ZNF268: variants seen among roughly 807,000 people sequenced by gnomAD.
ZNF268 encodes zinc finger protein 3.
ZNF268 carries 20 observed loss-of-function variants against 29.3 expected under a neutral mutation model. The ratio of observed to expected loss-of-function variants is 0.68; its 90% CI spans 0.48 to 0.99. The LOEUF (loss-of-function observed/expected upper bound fraction) is 0.99, where lower values mean the gene tolerates loss of function less well. ZNF268 is among the 50% of genes least tolerant of loss of function. ZNF268 has a pLI of 0.00. For synonymous variants in ZNF268, 429 were observed against 376.9 expected, an observed-to-expected ratio of 1.14 and a Z score of -1.60; for missense variants, 1,240 against 1,121.6, an observed-to-expected ratio of 1.11 and a Z score of -1.51.
intron 5 of ZNF268, among the ~76,000 whole-genome samples, chr12:133,200,824 G>T (rs1418953168): frequency 6.6e-6 from 1 of 151,908 alleles, no homozygotes; most frequent in East Asian, 1.9e-4. Flanking sequence ...TAAATAACCA[G>T]CTTATTCTGC....
Position 133,212,135 on chromosome 12 carries a change from T to A in ZNF268, c.*7605T>A, listed in dbSNP as rs968874141. The stretch of plus-strand genomic sequence containing the variant: ...AGTGTGAAAAGGCTGTATGATCCTA[T>A]TTCTATGATGTTATGGAAAAGCAGA... On this transcript the variant is annotated 3_prime_UTR_variant, in exon 6 of 6. Transcript: ENST00000536435. 1 of 152,172 alleles carries A rather than the reference T, an allele frequency of 6.6e-6. No homozygotes were observed. The highest frequency in any genetic ancestry group is 1.5e-5 in the Non-Finnish European group (1 of 68,038). The allele number at this position is 152,172 out of a possible 1,614,324, so 9.4% of individuals were successfully genotyped here.
intron 3 of ZNF268, among the ~76,000 whole-genome samples, chr12:133,189,158 T>G (rs1428582458): frequency 1.3e-5 from 2 of 152,218 alleles, no homozygotes; most frequent in East Asian, 3.9e-4. Flanking sequence ...TAGATTTATA[T>G]GTAAGTTCTT....
intron 5 of ZNF268, among the ~76,000 whole-genome samples, chr12:133,194,835 TGG>T: frequency 6.6e-6 from 1 of 152,306 alleles, no homozygotes; most frequent in East Asian, 1.9e-4. Context: ...TCACCTTCCT[TGG>T]CCAGGCAGCA....
At chr12:133,184,354 C>T (rs1956255247) in intron 2 of ZNF268, among the ~76,000 whole-genome samples, 1 of 152,128 alleles carries the variant, frequency 6.6e-6, no homozygotes, top group South Asian at 2.1e-4. Context: ...ATCCACCTGT[C>T]TCAGCCTCCC....
chr12:133,185,753 AGACT>A (rs1394618343), intron 2 of ZNF268, among the ~76,000 whole-genome samples: 1 of 152,134 alleles, frequency 6.6e-6, no homozygotes, highest in Admixed American at 6.6e-5. Context: ...GGGAAGCCAG[AGACT>A]GACTAGGTGA....
rs36191662 is a variant in ZNF268 at position 133,207,554 on chromosome 12, A to C, written c.*3024A>C. 71,958 of 152,106 alleles carry C rather than the reference A, an allele frequency of 0.47. 17,810 individuals are homozygous for C. Among genetic ancestry groups the C allele is most frequent in the East Asian group, 0.8 (4,128 of 5,172 alleles). 9.4% of individuals were successfully genotyped at this position (152,106 alleles called of 1,614,324 possible). On this transcript the variant is annotated 3_prime_UTR_variant, in exon 6 of 6. Coordinates refer to ENST00000536435, the MANE Select transcript of ZNF268 (RefSeq NM_003415.3). ...CCAGGCACGGTGGCTCACACCTATAATCCCAGCACTTCAGGAGGCTGAGAT... is the reference window on the plus strand; with the variant it reads ...CCAGGCACGGTGGCTCACACCTATACTCCCAGCACTTCAGGAGGCTGAGAT...
At chr12:133,187,428 T>G (rs1472901324) in intron 2 of ZNF268, among the ~76,000 whole-genome samples, 4 of 152,160 alleles carry the variant, frequency 2.6e-5, no homozygotes, top group African/African-American at 9.7e-5. Flanking sequence ...TTTTGAAATA[T>G]TATGTTACAA....
Position 133,202,564 on chromosome 12 carries a change from T to A in ZNF268, c.878T>A (p.Val293Glu), listed in dbSNP as rs371476540. 2 of 1,610,318 alleles carry A rather than the reference T, an allele frequency of 1.2e-6. No individual in the cohort carries two copies. Among genetic ancestry groups the A allele is most frequent in the East Asian group, 4.5e-5 (2 of 44,816 alleles). ...TTCAGCAGCAAGTCATACCTTCTAG[T>A]GCATCAGCAAACTCATGCCGAAGAG... is the stretch of plus-strand genomic sequence containing the variant. ...KAFSSKSYLLVHQQTHAEEKP... is the reference protein window; with the variant it reads ...KAFSSKSYLLEHQQTHAEEKP... Residue 293 changes from valine (V) to glutamate (E), a missense_variant, in exon 6 of 6, where the codon GTG (valine) becomes GAG (glutamate). This residue lies in a region of ZNF268 where 1,177 missense variants were observed against 1,039.6 expected (regional missense o/e 1.13). Coordinates refer to ENST00000536435, the MANE Select transcript of ZNF268 (RefSeq NM_003415.3).
At position 133,204,930 on chromosome 12, in the gene ZNF268, A is replaced by G. The variant is rs1956863143; in HGVS notation, c.*400A>G. 6.3e-6 allele frequency: 1 copy of G among 159,550 alleles called. No individual in the cohort carries two copies. Among genetic ancestry groups the G allele is most frequent in the South Asian group, 2.0e-4 (1 of 5,100 alleles). The allele number at this position is 159,550 out of a possible 1,614,324, so 9.9% of individuals were successfully genotyped here. A position where few individuals can be genotyped will look rare whatever the true frequency, so the allele number is the denominator to read the frequency against. On this transcript the variant is annotated 3_prime_UTR_variant, in exon 6 of 6. Coordinates refer to ENST00000536435, the MANE Select transcript of ZNF268 (RefSeq NM_003415.3). ...TCATAGTTTACAGAATTTTAATGAG[A>G]GAAATTATTGAGCTAATGAATGGCA...
chr12:133,189,152 T>G (rs189418852), intron 3 of ZNF268, among the ~76,000 whole-genome samples: 2 of 152,196 alleles, frequency 1.3e-5, no homozygotes, highest in Admixed American at 1.3e-4. Flanking sequence ...ATATTTTAGA[T>G]TTATATGTAA....
chr12:133,191,083 G>A lies in ZNF268; in HGVS notation c.235-406G>A, dbSNP rs187509266. Among the ~76,000 whole-genome samples the A allele has an allele frequency of 5.3e-5, 8 of 152,182 alleles. 1 individual carries two copies. Among genetic ancestry groups the A allele is most frequent in the Middle Eastern group, 3.4e-3 (1 of 294 alleles). ...TGTAATCCTAGCACTTTGGGAGGCC[G>A]AGATGGGCAGATCACAAAGTCAGGA... On this transcript the variant is annotated intron_variant, in intron 3 of 5. Transcript: ENST00000536435.
rs1030002152 is a variant in ZNF268 at position 133,211,692 on chromosome 12, G to A, written c.*7162G>A. On this transcript the variant is annotated 3_prime_UTR_variant, in exon 6 of 6. Coordinates refer to ENST00000536435, the MANE Select transcript of ZNF268 (RefSeq NM_003415.3). Reference sequence around the variant, plus strand: ...CAAATTAAAACAACGAGATAGCACCGCACATCTATTAAAGTGACTATAATC... The same window carrying A: ...CAAATTAAAACAACGAGATAGCACCACACATCTATTAAAGTGACTATAATC... 1 of 152,108 alleles carries A rather than the reference G, an allele frequency of 6.6e-6. No individual in the cohort carries two copies. Among genetic ancestry groups the A allele is most frequent in the Non-Finnish European group, 1.5e-5 (1 of 68,190 alleles). 9.4% of individuals were successfully genotyped at this position (152,108 alleles called of 1,614,324 possible). A position where few individuals can be genotyped will look rare whatever the true frequency, so the allele number is the denominator to read the frequency against.
intron 3 of ZNF268, 132 bp downstream of exon 3, chr12:133,188,204 C>CTTT: frequency 3.0e-6 from 2 of 668,336 alleles, no homozygotes; most frequent in African/African-American, 1.9e-5. Flanking sequence ...AACCCCCCCA[C>CTTT]TTTTTTTTTT....
At chr12:133,186,728 G>T (rs904229133) in intron 2 of ZNF268, among the ~76,000 whole-genome samples, 2 of 152,090 alleles carry the variant, frequency 1.3e-5, no homozygotes. Flanking sequence ...AAACGTGATG[G>T]AATACTATTC....
At chr12:133,189,481 C>T (rs1475003274) in intron 3 of ZNF268, among the ~76,000 whole-genome samples, 1 of 152,224 alleles carries the variant, frequency 6.6e-6, no homozygotes, top group East Asian at 1.9e-4. Context: ...TCCTAAAATG[C>T]TGGGAATACA....
At position 133,202,563 on chromosome 12, in the gene ZNF268, G is replaced by C; in HGVS notation, c.877G>C (p.Val293Leu). The C allele has an allele frequency of 6.2e-7, 1 of 1,610,466 alleles. No individual in the cohort carries two copies. The highest frequency in any genetic ancestry group is 8.5e-7 in the Non-Finnish European group (1 of 1,178,154). ...KAFSSKSYLLVHQQTHAEEKP... is the reference protein window; with the variant it reads ...KAFSSKSYLLLHQQTHAEEKP... ...CTTCAGCAGCAAGTCATACCTTCTA[G>C]TGCATCAGCAAACTCATGCCGAAGA... is the stretch of plus-strand genomic sequence containing the variant. The change falls in exon 6 of 6, where the codon GTG becomes CTG. Residue 293 changes from valine (V) to leucine (L), a missense_variant. Around this residue, in one of 3 missense-constraint regions of ZNF268, gnomAD observed 1,177 missense variants for 1,039.6 expected, o/e 1.13. Transcript: ENST00000536435.
intron 3 of ZNF268, among the ~76,000 whole-genome samples, chr12:133,190,267 G>A (rs1327858180): frequency 6.6e-6 from 1 of 152,186 alleles, no homozygotes; most frequent in Admixed American, 6.5e-5. Context: ...TGCTTGTCAT[G>A]TGTGTCTTCT....
At chr12:133,184,320 T>G (rs1218617893) in intron 2 of ZNF268, among the ~76,000 whole-genome samples, 1 of 152,092 alleles carries the variant, frequency 6.6e-6, no homozygotes, top group Admixed American at 6.6e-5. Flanking sequence ...TTGGCCACAA[T>G]GACCTCGATC....
chr12:133,183,297 G>A (rs1194506580), intron 2 of ZNF268, among the ~76,000 whole-genome samples: 1 of 152,122 alleles, frequency 6.6e-6, no homozygotes, highest in Non-Finnish European at 1.5e-5. Flanking sequence ...GTCTGCAGCA[G>A]GTAAGAGAAT....
Sources: gnomAD v4.1 joint callset for allele counts (sites outside exome capture counted in the v4.1 genomes callset) on GRCh38, gnomAD v4.1.1 for gene constraint, gnomAD v4.1.1 regional missense constraint, MANE v1.5 for transcripts, NCBI Gene and HGNC (gene_info 2026-07-23, HGNC 2026-07-21) for gene names.